Variants in SH3PXD2B observed in about 807,000 individuals in gnomAD.
The protein encoded by SH3PXD2B is SH3 and PX domains 2B, also known as SH3 and PX domain-containing protein 2B.
Under a neutral mutation model 73.1 loss-of-function variants are expected in SH3PXD2B, and 37 were observed. That is an observed-to-expected ratio of 0.51 (90% CI 0.39 to 0.67). The LOEUF is 0.67. SH3PXD2B is among the 30% of genes least tolerant of loss of function. The pLI is 0.00. For missense variants in SH3PXD2B, 1,053 were observed against 1,197.8 expected, an observed-to-expected ratio of 0.88 and a Z score of 1.78; for synonymous variants, 457 against 480.5, an observed-to-expected ratio of 0.95 and a Z score of 0.64.
intron 2 of SH3PXD2B, among the ~76,000 whole-genome samples, chr5:172,409,304 C>T (rs1758634760): frequency 6.6e-6 from 1 of 152,102 alleles, no homozygotes; most frequent in Admixed American, 6.5e-5. Context: ...ATTGCTTGAA[C>T]CTGGGAGGTG....
At chr5:172,397,820 A>T (rs1006232939) in intron 3 of SH3PXD2B, among the ~76,000 whole-genome samples, 16 of 152,186 alleles carry the variant, frequency 1.1e-4, no homozygotes, top group African/African-American at 3.9e-4. Context: ...TCAGCATATG[A>T]TGGAAAACAT....
intron 1 of SH3PXD2B, among the ~76,000 whole-genome samples, chr5:172,441,364 C>T (rs1759546831): frequency 6.6e-6 from 1 of 152,236 alleles, no homozygotes; most frequent in African/African-American, 2.4e-5. Flanking sequence ...ACTGCTCGGC[C>T]TGGGGCCAGC....
intron 9 of SH3PXD2B, among the ~76,000 whole-genome samples, chr5:172,352,861 C>T (rs1393964395): frequency 6.6e-6 from 1 of 152,138 alleles, no homozygotes; most frequent in Non-Finnish European, 1.5e-5. Flanking sequence ...TGGGGTATAT[C>T]TTTATCGGCA....
intron 2 of SH3PXD2B, among the ~76,000 whole-genome samples, chr5:172,411,480 G>A (rs557795604): frequency 6.6e-6 from 1 of 152,238 alleles, no homozygotes; most frequent in South Asian, 2.1e-4. Context: ...GGCAGATCTG[G>A]GTTTAAATAC....
chr5:172,420,679 G>T (rs1758942747), intron 2 of SH3PXD2B, among the ~76,000 whole-genome samples: 1 of 152,222 alleles, frequency 6.6e-6, no homozygotes, highest in Non-Finnish European at 1.5e-5. Context: ...CTTGGGTGGA[G>T]CAGGGACCCC....
chr5:172,327,111 C>T (rs1262460697), intron 12 of SH3PXD2B, among the ~76,000 whole-genome samples: 3 of 152,126 alleles, frequency 2.0e-5, no homozygotes, highest in South Asian at 2.1e-4. Context: ...CCGCCCGCCA[C>T]GGCCTCCCAA....
chr5:172,362,435 T>G, intron 7 of SH3PXD2B, among the ~76,000 whole-genome samples: 1 of 152,156 alleles, frequency 6.6e-6, no homozygotes, highest in East Asian at 1.9e-4. Flanking sequence ...ACAGAGCACA[T>G]TTCCAGTGAA....
intron 10 of SH3PXD2B, among the ~76,000 whole-genome samples, chr5:172,349,850 C>CA (rs1491548278): frequency 6.6e-6 from 1 of 151,168 alleles, no homozygotes; most frequent in African/African-American, 2.4e-5. Context: ...AACGCCTCCC[C>CA]TTTTTTTTTC....
chr5:172,390,815 TTGTGTGTGTGTGTGTG>T (rs56116617), intron 4 of SH3PXD2B, among the ~76,000 whole-genome samples: 4,841 of 139,994 alleles, frequency 0.035, 265 homozygotes, highest in African/African-American at 0.12. Context: ...TTCCCGTCTT[TTGTGTGTGTGTGTGTG>T]TGTGTGTGTG....
intron 1 of SH3PXD2B, among the ~76,000 whole-genome samples, chr5:172,444,467 T>C (rs186083003): frequency 2.0e-5 from 3 of 152,362 alleles, no homozygotes; most frequent in Non-Finnish European, 2.9e-5. Flanking sequence ...AGCTGCTATG[T>C]GGATTCAAAG....
At chr5:172,329,083 A>ATATTTTTTTTTTTTTTTTTT (rs58472514), downstream of SH3PXD2B, among the ~76,000 whole-genome samples, 6 of 61,810 alleles carry the variant, frequency 9.7e-5, no homozygotes, top group African/African-American at 3.9e-4. Context: ...ATATATATAT[A>ATATTTTTTTTTTTTTTTTTT]TTTTTTTTTT....
intron 8 of SH3PXD2B, 116 bp downstream of exon 8, chr5:172,358,657 G>C (rs370607452): frequency 4.2e-6 from 4 of 943,964 alleles, no homozygotes; most frequent in African/African-American, 3.3e-5. Context: ...CAGCCAGTGA[G>C]CTGCTGAGAC....
At chr5:172,448,797 A>G (rs1376211896) in intron 1 of SH3PXD2B, among the ~76,000 whole-genome samples, 15 of 152,036 alleles carry the variant, frequency 9.9e-5, no homozygotes, top group Admixed American at 9.8e-4. Context: ...AAGAACTTGA[A>G]CCCAGATGTT....
rs1299999442 is a variant in SH3PXD2B, at chr5:172,335,752, T to C, written c.*2617A>G. 3 of 1,230,874 alleles carry C rather than the reference T, an allele frequency of 2.4e-6. No individual in the cohort carries two copies. The highest frequency in any genetic ancestry group is 3.2e-5 in the East Asian group (1 of 31,688). 76.2% of individuals were successfully genotyped at this position (1,230,874 alleles called of 1,614,324 possible). On this transcript the variant is annotated 3_prime_UTR_variant, in exon 13 of 13. Transcript: ENST00000311601. Reference sequence around the variant, plus strand: ...ATCTAAGTCCCCAGGCAAGGACAGCTAGGAGAGTGACTGGCCACCCTGACC... The same window carrying C: ...ATCTAAGTCCCCAGGCAAGGACAGCCAGGAGAGTGACTGGCCACCCTGACC...
At chr5:172,420,915 G>GTT (rs1758950682) in intron 2 of SH3PXD2B, among the ~76,000 whole-genome samples, 14 of 151,976 alleles carry the variant, frequency 9.2e-5, no homozygotes, top group Non-Finnish European at 1.6e-4. Flanking sequence ...GCCAGATCAG[G>GTT]TGACACCAAA....
intron 5 of SH3PXD2B, among the ~76,000 whole-genome samples, chr5:172,381,202 G>A (rs904196335): frequency 1.3e-5 from 2 of 152,184 alleles, no homozygotes; most frequent in South Asian, 2.1e-4. Flanking sequence ...CGAACGCAGC[G>A]CCAAGAGCAG....
intron 2 of SH3PXD2B, among the ~76,000 whole-genome samples, chr5:172,408,720 T>G (rs1284685521): frequency 1.3e-5 from 2 of 151,686 alleles, no homozygotes; most frequent in Non-Finnish European, 2.9e-5. Context: ...GACGGGGTTT[T>G]ACCATGTTGG....
chr5:172,428,753 T>C (rs960523065), intron 1 of SH3PXD2B, among the ~76,000 whole-genome samples: 1 of 152,176 alleles, frequency 6.6e-6, no homozygotes, highest in Non-Finnish European at 1.5e-5. Context: ...AATGTTTAAC[T>C]TGAGCTCGAG....
intron 2 of SH3PXD2B, among the ~76,000 whole-genome samples, chr5:172,415,294 A>G (rs1386790527): frequency 1.3e-5 from 2 of 152,162 alleles, no homozygotes; most frequent in Non-Finnish European, 2.9e-5. Context: ...TTTTGGTCAG[A>G]ACTGCCCTCT....
Sources: allele counts gnomAD v4.1 joint callset (sites outside exome capture counted in the v4.1 genomes callset), GRCh38; gene constraint gnomAD v4.1.1; transcripts MANE v1.5; gene names NCBI Gene and HGNC (gene_info 2026-07-23, HGNC 2026-07-21).